Variants in MYO5C observed in about 807,000 individuals in gnomAD.
The protein encoded by MYO5C is myosin VC.
A neutral mutation model predicts 235.7 loss-of-function variants in MYO5C; 194 were observed. The ratio of observed to expected loss-of-function variants is 0.82; its 90% confidence interval spans 0.73 to 0.93. MYO5C has a LOEUF of 0.93. Ranked by LOEUF, MYO5C falls within the 40% of genes least tolerant of loss-of-function variation. MYO5C has a pLI of 0.00. For missense variants in MYO5C, 2,038 were observed against 2,127.2 expected (o/e 0.96, Z 0.82); for synonymous variants, 707 against 754.8 (o/e 0.94, Z 1.04).
intron 38 of MYO5C, among the ~76,000 whole-genome samples, chr15:52,197,330 T>C (rs2035074184): frequency 6.6e-6 from 1 of 152,202 alleles, no homozygotes; most frequent in African/African-American, 2.4e-5. Context: ...GGTGCTGATA[T>C]TTGCTACATG....
chr15:52,289,618 C>G (rs902553385), intron 1 of MYO5C, among the ~76,000 whole-genome samples: 2 of 152,086 alleles, frequency 1.3e-5, no homozygotes, highest in Non-Finnish European at 2.9e-5. Flanking sequence ...ACCCTACCCC[C>G]ACCAATCCTC....
intron 33 of MYO5C, 51 bp from the exon 34 acceptor site, chr15:52,213,337 G>T: frequency 7.4e-7 from 1 of 1,358,710 alleles, no homozygotes; most frequent in Non-Finnish European, 1.1e-6. Context: ...AGCTTTCACA[G>T]GTCTCACAAT....
intron 13 of MYO5C, among the ~76,000 whole-genome samples, 171 bp from the exon 14 acceptor site, chr15:52,248,954 T>C (rs1379642160): frequency 3.3e-5 from 5 of 152,198 alleles, no homozygotes; most frequent in African/African-American, 9.7e-5. Flanking sequence ...ATGTATAAGC[T>C]GGGAATGTGT....
Position 52,269,823 on chromosome 15 carries a change from G to A in MYO5C, c.870C>T (p.Gly290=), listed in dbSNP as rs1464842937. The A allele has an allele frequency of 6.2e-7, 1 of 1,613,158 alleles. No individual in the cohort carries two copies. The highest frequency in any genetic ancestry group is 2.2e-5 in the East Asian group (1 of 44,858). ...CATTCACACCCTCAATGACAGTATT[G>A]CCTCCCATTCTTGTATAATTAAATT... ...AEEFNYTRMG[G]NTVIEGVNDR... is the part of the protein sequence containing the mutation. Residue 290 remains glycine (G), a synonymous_variant, in exon 8 of 41, where the codon GGC becomes GGT. Transcript: ENST00000261839.
In MYO5C at chr15:52,282,707, C is replaced by T. The variant is rs564376323; in HGVS notation, c.138+75G>A. The T allele has an allele frequency of 8.7e-4, 928 of 1,071,878 alleles. 3 individuals are homozygous for T. Among genetic ancestry groups the T allele is most frequent in the Non-Finnish European group, 1.2e-3 (861 of 689,702 alleles). The allele number at this position is 1,071,878 out of a possible 1,614,324, so 66.4% of individuals were successfully genotyped here. A position where few individuals can be genotyped will look rare whatever the true frequency, so the allele number is the denominator to read the frequency against. On this transcript the variant is annotated intron_variant, in intron 2 of 40. Transcript: ENST00000261839. ...CCCTGGGTGCCTCCCACGGGGTCCA[C>T]GTGCTCCCATCCTTACACACACCCC...
At position 52,220,590 on chromosome 15, in the gene MYO5C, A is replaced by T. The variant is rs115190294; in HGVS notation, c.3721+572T>A. ...TCCCAGAACATCGGGAAGCCAAGGT[A>T]GGTGGATCACCTGAGGCCAGGAGCT... On this transcript the variant is annotated intron_variant, in intron 30 of 40. Coordinates refer to ENST00000261839, the MANE Select transcript of MYO5C (RefSeq NM_018728.4). 8.1e-3 allele frequency among the ~76,000 whole-genome samples: 1,231 copies of T among 152,090 alleles called. 17 individuals carry two copies. The highest frequency in any genetic ancestry group is 0.028 in the African/African-American group (1,168 of 41,480).
At position 52,273,197 on chromosome 15, in the gene MYO5C, C is replaced by A. The variant is rs71472934; in HGVS notation, c.607-474G>T. Among the ~76,000 whole-genome samples the A allele has an allele frequency of 6.2e-3, 943 of 152,178 alleles. 2 individuals are homozygous for A. The highest frequency in any genetic ancestry group is 9.0e-3 in the Non-Finnish European group (613 of 67,984). Reference sequence around the variant, plus strand: ...AATTAGACAGGCATGGTGGTGTGTGCCTGTAGTCCTAGCTACTCAGAAAGC... The same window carrying A: ...AATTAGACAGGCATGGTGGTGTGTGACTGTAGTCCTAGCTACTCAGAAAGC... On this transcript the variant is annotated intron_variant, in intron 5 of 40. Coordinates refer to ENST00000261839, the MANE Select transcript of MYO5C (RefSeq NM_018728.4).
rs143895189 is a variant in MYO5C, at chr15:52,280,460, G to A, written c.139-786C>T. On this transcript the variant is annotated intron_variant, in intron 2 of 40. Coordinates refer to ENST00000261839, the MANE Select transcript of MYO5C (RefSeq NM_018728.4). ...GTGGCATCTGTGCCACAGATGACTG[G>A]GCCTTTCCAATGTCAGAGTATTCTA... is the stretch of plus-strand genomic sequence containing the variant. Among the ~76,000 whole-genome samples, 5 of 152,344 alleles carry A rather than the reference G, an allele frequency of 3.3e-5. No homozygotes were observed. The East Asian group carries it at 9.6e-4, about 29-fold the overall frequency.
At position 52,237,919 on chromosome 15, in the gene MYO5C, G is replaced by GCCC. The variant is rs139930981; in HGVS notation, c.2704-276_2704-274dup. On this transcript the variant is annotated intron_variant, in intron 21 of 40. Coordinates refer to ENST00000261839, the MANE Select transcript of MYO5C (RefSeq NM_018728.4). ...GGACAACCCTAGTGTTATGAACTGT[G>GCCC]CCCCCCGCCAAAATTCATTTGTTGA... 6.1e-3 allele frequency among the ~76,000 whole-genome samples: 917 copies of GCCC among 150,520 alleles called. 7 individuals are homozygous for GCCC. Among genetic ancestry groups the GCCC allele is most frequent in the South Asian group, 0.042 (198 of 4,740 alleles).
chr15:52,264,233 T>C lies in MYO5C; in HGVS notation c.1004A>G (p.Asn335Ser). Residue 335 changes from asparagine to serine, a missense_variant, in exon 9 of 41, where the codon AAT (asparagine) becomes AGT (serine). Physicochemically the swap from Asn to Ser is conservative, Grantham distance 46. Transcript: ENST00000261839. ...GTTGCCCACCGCGGTGATCTGCACA[T>C]TGCCCAGATGTAGGATGGCTGCCAG... ...KILAAILHLG[N>S]VQITAVGNER... The C allele has an allele frequency of 6.2e-7, 1 of 1,614,134 alleles. No homozygotes were observed. The highest frequency in any genetic ancestry group is 1.1e-5 in the South Asian group (1 of 91,076).
chr15:52,221,126 G>A (rs754472650), intron 30 of MYO5C, 36 bp downstream of exon 30: 52 of 1,534,776 alleles, frequency 3.4e-5, no homozygotes, highest in Middle Eastern at 1.7e-4. Context: ...ACAGGAAACC[G>A]TTTTCTAAAA....
At position 52,247,557 on chromosome 15, in the gene MYO5C, T is replaced by C. The variant is rs1312372263; in HGVS notation, c.1782A>G (p.Pro594=). The change falls in exon 15 of 41, where the codon CCA becomes CCG. Residue 594 remains proline, a synonymous_variant. Transcript: ENST00000261839. ...TTGAACCAAAAGGAGAAGGAGGAGT[T>C]GGATTTTCTTGAAAAAAGTTGGCAC... The part of the protein sequence containing the change: ...HLCANFFQEN[P]TPPSPFGSMI... 3 of 1,614,176 alleles carry C rather than the reference T, an allele frequency of 1.9e-6. No homozygotes were observed. Among genetic ancestry groups the C allele is most frequent in the East Asian group, 2.2e-5 (1 of 44,888 alleles).
At chr15:52,279,112 T>A in intron 3 of MYO5C, 95 bp from the exon 4 acceptor site, 1 of 1,331,066 alleles carries the variant, frequency 7.5e-7, no homozygotes, top group Non-Finnish European at 1.0e-6. Flanking sequence ...TGTCGCTTAT[T>A]AAACCTTCTG....
chr15:52,218,421 TC>T (rs2035601541), intron 32 of MYO5C, 97 bp downstream of exon 32: 2 of 1,180,370 alleles, frequency 1.7e-6, no homozygotes, highest in South Asian at 3.0e-5. Flanking sequence ...GGACTTTTGG[TC>T]TATAGATGTT....
rs763907167 is a variant in MYO5C at position 52,235,659 on chromosome 15, C to T, written c.2962+11G>A. The T allele has an allele frequency of 8.1e-6, 13 of 1,599,236 alleles. No homozygotes were observed. The highest frequency in any genetic ancestry group is 6.7e-5 in the East Asian group (3 of 44,712). Reference sequence around the variant, plus strand: ...CAGTGAATGTCTGGATTTGTGCCCCCCAAGCTTTACCTTTTAACTCTTCAG... The same window carrying T: ...CAGTGAATGTCTGGATTTGTGCCCCTCAAGCTTTACCTTTTAACTCTTCAG... On this transcript the variant is annotated intron_variant, in intron 23 of 40. Transcript: ENST00000261839.
intron 38 of MYO5C, among the ~76,000 whole-genome samples, chr15:52,196,878 C>T (rs2035064664): frequency 6.6e-6 from 1 of 152,154 alleles, no homozygotes; most frequent in South Asian, 2.1e-4. Flanking sequence ...GGCTTTCGGT[C>T]GACTGCAGTT....
At chr15:52,253,822 C>A (rs2036524596) in intron 11 of MYO5C, among the ~76,000 whole-genome samples, 1 of 152,244 alleles carries the variant, frequency 6.6e-6, no homozygotes, top group Non-Finnish European at 1.5e-5. Flanking sequence ...CTGGGTGGAG[C>A]CAGCTACCTG....
chr15:52,205,376 A>G (rs1453247174), intron 37 of MYO5C: 1 of 544,066 alleles, frequency 1.8e-6, no homozygotes, highest in East Asian at 3.0e-5. Context: ...GTAGGTTTGA[A>G]GCAGCACGTT....
intron 39 of MYO5C, among the ~76,000 whole-genome samples, chr15:52,195,795 G>GATT (rs147362680): frequency 4.0e-5 from 6 of 151,546 alleles, no homozygotes; most frequent in African/African-American, 7.3e-5. Context: ...GTGTGTGTGT[G>GATT]ATTATTATTA....
Sources: gnomAD v4.1 joint callset for allele counts (sites outside exome capture counted in the v4.1 genomes callset) on GRCh38, gnomAD v4.1.1 for gene constraint, MANE v1.5 for transcripts, NCBI Gene and HGNC (gene_info 2026-07-23, HGNC 2026-07-21) for gene names.